Variants in GRM3 observed in about 807,000 individuals in gnomAD.
The protein encoded by GRM3 is glutamate metabotropic receptor 3.
Under a neutral mutation model 70.5 loss-of-function variants are expected in GRM3, and 26 were observed. That is an observed-to-expected ratio of 0.37 (90% CI 0.27 to 0.51). GRM3 has a LOEUF of 0.51. Ranked by LOEUF, GRM3 falls within the 20% of genes least tolerant of loss-of-function variation. The pLI is 0.93. For synonymous variants in GRM3, 443 were observed against 434.9 expected (o/e 1.02, Z -0.23); for missense variants, 859 against 1,123.8 (o/e 0.76, Z 3.37).
At chr7:86,771,452 T>C (rs1292597691) in intron 2 of GRM3, among the ~76,000 whole-genome samples, 1 of 152,076 alleles carries the variant, frequency 6.6e-6, no homozygotes, top group East Asian at 1.9e-4. Context: ...TATTTACCTA[T>C]CTATTATAAC....
intron 1 of GRM3, among the ~76,000 whole-genome samples, chr7:86,733,313 C>CAAAA (rs61108218): frequency 1.7e-5 from 2 of 115,564 alleles, no homozygotes; most frequent in Non-Finnish European, 3.7e-5. Flanking sequence ...CACGCCGTCT[C>CAAAA]AAAAAAAAAA....
chr7:86,864,228 C>A lies in GRM3; in HGVS notation c.2567-54C>A, dbSNP rs182072920. 3.1e-5 allele frequency: 27 copies of A among 881,704 alleles called. No homozygotes were observed. The East Asian group carries it at 6.3e-4, about 20-fold the overall frequency. The allele number at this position is 881,704 out of a possible 1,614,324, so 54.6% of individuals were successfully genotyped here. On this transcript the variant is annotated intron_variant, in intron 5 of 5. Coordinates refer to ENST00000361669, the MANE Select transcript of GRM3 (RefSeq NM_000840.3). ...GTCCATTGTATCCTTCATGCTATTACCTTTGTGTCCCACTTGACTAACTTT... is the reference window on the plus strand; with the variant it reads ...GTCCATTGTATCCTTCATGCTATTAACTTTGTGTCCCACTTGACTAACTTT...
In GRM3 at chr7:86,857,131, G is replaced by GTT. The variant is rs57272959; in HGVS notation, c.2566+6601_2566+6602dup. On this transcript the variant is annotated intron_variant, in intron 5 of 5. Coordinates refer to ENST00000361669, the MANE Select transcript of GRM3 (RefSeq NM_000840.3). ...AATGTTAGCATCTGCAAATTCAATG[G>GTT]TTTTTTTTTTTTTTTAAGTTAAAAG... 7.6e-4 allele frequency among the ~76,000 whole-genome samples: 109 copies of GTT among 142,644 alleles called. 1 individual carries two copies. The highest frequency in any genetic ancestry group is 7.2e-3 in the Middle Eastern group (2 of 276). 93.6% of individuals were successfully genotyped at this position (142,644 alleles called of 152,430 possible). A position where few individuals can be genotyped will look rare whatever the true frequency, so the allele number is the denominator to read the frequency against.
chr7:86,806,152 T>C (rs1369779241), intron 3 of GRM3, among the ~76,000 whole-genome samples: 1 of 152,234 alleles, frequency 6.6e-6, no homozygotes, highest in Non-Finnish European at 1.5e-5. Context: ...CTATCATTGA[T>C]GGACATTTGG....
chr7:86,759,914 C>T (rs927384427), intron 1 of GRM3, among the ~76,000 whole-genome samples: 3 of 152,072 alleles, frequency 2.0e-5, no homozygotes, highest in Non-Finnish European at 2.9e-5. Context: ...ATAGCTACAG[C>T]GTCTGTTTGT....
intron 1 of GRM3, among the ~76,000 whole-genome samples, chr7:86,650,057 T>C (rs1379572539): frequency 1.3e-5 from 2 of 152,198 alleles, no homozygotes; most frequent in Non-Finnish European, 2.9e-5. Context: ...TGATGCCTTG[T>C]GGAGACAGTG....
chr7:86,706,234 T>C (rs910748556), intron 1 of GRM3, among the ~76,000 whole-genome samples: 2 of 152,104 alleles, frequency 1.3e-5, no homozygotes, highest in East Asian at 3.9e-4. Context: ...GTGCTAAAAA[T>C]ACCTGTTAGA....
chr7:86,759,294 T>C (rs926193310), intron 1 of GRM3, among the ~76,000 whole-genome samples: 5 of 152,144 alleles, frequency 3.3e-5, no homozygotes, highest in African/African-American at 1.2e-4. Flanking sequence ...CTGTAAAAAA[T>C]CAACCGGCAA....
At chr7:86,847,510 C>T (rs944524619) in intron 4 of GRM3, among the ~76,000 whole-genome samples, 1 of 152,078 alleles carries the variant, frequency 6.6e-6, no homozygotes, top group African/African-American at 2.4e-5. Context: ...TAGGTCAAAA[C>T]CAGTAATAAT....
chr7:86,656,237 A>G (rs1793739717), intron 1 of GRM3, among the ~76,000 whole-genome samples: 1 of 123,706 alleles, frequency 8.1e-6, no homozygotes, highest in South Asian at 2.7e-4. Flanking sequence ...GGCCCAACCC[A>G]TTTTGTGACA....
intron 1 of GRM3, among the ~76,000 whole-genome samples, chr7:86,668,923 T>A (rs546964432): frequency 2.6e-4 from 39 of 152,242 alleles, no homozygotes; most frequent in African/African-American, 8.7e-4. Context: ...GAGAATAAGC[T>A]CCTGCTAGGG....
chr7:86,765,471 C>A lies in GRM3; in HGVS notation c.326C>A (p.Ser109Ter). Residue 109 changes from serine to a stop codon, truncating the protein, a stop_gained, in exon 2 of 6, where the codon TCA (serine) becomes TAA (stop). Transcript: ENST00000361669. LOFTEE classifies it high-confidence loss of function. The part of the protein sequence containing the change: ...CSRDTYALEQ[S>*]LEFVRASLTK... Reference sequence around the variant, plus strand: ...AGGGATACCTATGCATTGGAGCAATCACTGGAGTTTGTCAGGGCATCTTTG... The same window carrying A: ...AGGGATACCTATGCATTGGAGCAATAACTGGAGTTTGTCAGGGCATCTTTG... 6.2e-7 allele frequency: 1 copy of A among 1,613,928 alleles called. No individual in the cohort carries two copies. Among genetic ancestry groups the A allele is most frequent in the Non-Finnish European group, 8.5e-7 (1 of 1,179,880 alleles).
chr7:86,844,678 T>C (rs1798619825), intron 4 of GRM3, among the ~76,000 whole-genome samples: 1 of 152,156 alleles, frequency 6.6e-6, no homozygotes, highest in Non-Finnish European at 1.5e-5. Context: ...AGTAGGATGT[T>C]AACAATGGAG....
intron 1 of GRM3, among the ~76,000 whole-genome samples, chr7:86,660,174 T>C (rs972868956): frequency 5.9e-5 from 9 of 152,186 alleles, no homozygotes; most frequent in African/African-American, 2.2e-4. Context: ...GAGACAACTT[T>C]GAAAGAATAG....
chr7:86,737,245 G>A (rs1054434556), intron 1 of GRM3, among the ~76,000 whole-genome samples: 2 of 152,100 alleles, frequency 1.3e-5, no homozygotes, highest in African/African-American at 4.8e-5. Context: ...GCTTTCTAAG[G>A]GCCAAAACCC....
At chr7:86,769,256 G>A (rs1023506765) in intron 2 of GRM3, among the ~76,000 whole-genome samples, 3 of 152,050 alleles carry the variant, frequency 2.0e-5, no homozygotes, top group Admixed American at 2.0e-4. Context: ...ACTGGAAATT[G>A]TCTTTTCTTG....
chr7:86,863,980 A>C (rs1799010703), intron 5 of GRM3, among the ~76,000 whole-genome samples: 1 of 152,182 alleles, frequency 6.6e-6, no homozygotes, highest in Non-Finnish European at 1.5e-5. Flanking sequence ...AGCACTTTCC[A>C]AAGCCAAATT....
In GRM3 at chr7:86,838,963, T is replaced by C; in HGVS notation, c.1449T>C (p.Val483=). The change falls in exon 4 of 6, where the codon GTT becomes GTC. Residue 483 remains valine (V), a synonymous_variant. Transcript: ENST00000361669. ...NVGGKYSYLK[V]GHWAETLSLD... Reference sequence around the variant, plus strand: ...GTGGAAAGTATTCCTACTTGAAAGTTGGTCACTGGGCAGAAACCTTATCGC... The same window carrying C: ...GTGGAAAGTATTCCTACTTGAAAGTCGGTCACTGGGCAGAAACCTTATCGC... 6.2e-7 allele frequency: 1 copy of C among 1,613,906 alleles called. No homozygotes were observed. The highest frequency in any genetic ancestry group is 2.2e-5 in the East Asian group (1 of 44,872).
rs1258414070 is a variant in GRM3 at position 86,864,520 on chromosome 7, T to C, written c.*165T>C. 1 of 588,724 alleles carries C rather than the reference T, an allele frequency of 1.7e-6. No homozygotes were observed. The allele number at this position is 588,724 out of a possible 1,614,324, so 36.5% of individuals were successfully genotyped here. A position where few individuals can be genotyped will look rare whatever the true frequency, so the allele number is the denominator to read the frequency against. On this transcript the variant is annotated 3_prime_UTR_variant, in exon 6 of 6. Transcript: ENST00000361669. Reference sequence around the variant, plus strand: ...ACTGTATATAGTGATGTGCTAGAACTTTCTAGGCTGAGTCTAGTGCCCCTA... The same window carrying C: ...ACTGTATATAGTGATGTGCTAGAACCTTCTAGGCTGAGTCTAGTGCCCCTA...
Sources: gnomAD v4.1 joint callset for allele counts (sites outside exome capture counted in the v4.1 genomes callset) on GRCh38, gnomAD v4.1.1 for gene constraint, MANE v1.5 for transcripts, NCBI Gene and HGNC (gene_info 2026-07-23, HGNC 2026-07-21) for gene names.